USP50: variants seen among roughly 807,000 people sequenced by gnomAD.
The protein encoded by USP50 is ubiquitin specific peptidase 50, also known as ubiquitin carboxyl-terminal hydrolase 50.
Under a neutral mutation model 39.2 loss-of-function variants are expected in USP50, and 37 were observed. The observed-to-expected ratio is 0.94, with a 90% confidence interval of 0.73 to 1.24. The LOEUF is 1.24. USP50 is among the 50% of genes most tolerant of loss of function. USP50 has a pLI of 0.00. For synonymous variants in USP50, 139 were observed against 144.5 expected (o/e 0.96, Z 0.27); for missense variants, 374 against 398.2 (o/e 0.94, Z 0.52).
At chr15:50,494,994 G>C (rs2052319317) in intron 1 of USP50, among the ~76,000 whole-genome samples, 1 of 150,594 alleles carries the variant, frequency 6.6e-6, no homozygotes, top group South Asian at 2.1e-4. Flanking sequence ...ACTCCAGCCT[G>C]GGCGACAGAG....
intron 6 of USP50, among the ~76,000 whole-genome samples, chr15:50,525,622 GTATATGTA>G (rs1268128658): frequency 1.5e-5 from 2 of 130,478 alleles, no homozygotes; most frequent in African/African-American, 3.0e-5. Context: ...ATGTATATAT[GTATATGTA>G]TATATGTATA....
At chr15:50,533,470 T>TC (rs2052957403) in intron 5 of USP50, among the ~76,000 whole-genome samples, 1 of 147,884 alleles carries the variant, frequency 6.8e-6, no homozygotes, top group Admixed American at 6.7e-5. Context: ...GAAGCCAGAG[T>TC]GGGGGGGAAA....
chr15:50,534,815 A>G (rs572801599), intron 5 of USP50, among the ~76,000 whole-genome samples: 1 of 152,262 alleles, frequency 6.6e-6, no homozygotes, highest in South Asian at 2.1e-4. Flanking sequence ...TTATTAACAT[A>G]TATGCACCTA....
At chr15:50,529,710 G>C (rs1039970274) in intron 6 of USP50, 87 bp downstream of exon 6, 17 of 1,448,282 alleles carry the variant, frequency 1.2e-5, no homozygotes, top group Non-Finnish European at 1.6e-5. Context: ...ATAAGCCAGG[G>C]AGAGACAGGA....
At chr15:50,498,592 G>A, downstream of USP50, 1 of 1,604,790 alleles carries the variant, frequency 6.2e-7, no homozygotes. Flanking sequence ...GTTTTGTTCT[G>A]CAGTTTTTCC....
At chr15:50,511,265 G>A (rs558887285) in intron 6 of USP50, 15 of 152,256 alleles carry the variant, frequency 9.9e-5, no homozygotes, top group Non-Finnish European at 2.1e-4. Flanking sequence ...AAAAATGAGA[G>A]GCAGTAACAA....
At chr15:50,546,353 C>T (rs994194803) in intron 1 of USP50, 120 bp downstream of exon 1, 5 of 1,005,582 alleles carry the variant, frequency 5.0e-6, no homozygotes, top group Non-Finnish European at 7.7e-6. Flanking sequence ...TTTCCGGGGA[C>T]CTTCCATGGG....
chr15:50,542,006 T>C (rs1397037642), intron 3 of USP50, among the ~76,000 whole-genome samples: 1 of 150,298 alleles, frequency 6.7e-6, no homozygotes, highest in East Asian at 2.0e-4. Context: ...TGAGATCAGA[T>C]TGGGAAACAT....
At chr15:50,537,917 A>AGGGAAGGGAAGGGAAGGGAG (rs2052994176) in intron 5 of USP50, among the ~76,000 whole-genome samples, 1 of 39,542 alleles carries the variant, frequency 2.5e-5, no homozygotes, top group Non-Finnish European at 5.1e-5. Context: ...AGGGAAGGGA[A>AGGGAAGGGAAGGGAAGGGAG]GGGAAGGGAA....
chr15:50,546,476 A>G lies in USP50; in HGVS notation c.50T>C (p.Val17Ala). ...LPADDFDIYH[V>A]LAECTDYYDT... Reference sequence around the variant, plus strand: ...GCTGTAGTAGATCAAGGCTCACAGGACGTGGTAGATATCGAAGTCATCTGC... The same window carrying G: ...GCTGTAGTAGATCAAGGCTCACAGGGCGTGGTAGATATCGAAGTCATCTGC... Residue 17 changes from valine to alanine, a missense_variant, in exon 1 of 7, where the codon GTC becomes GCC. Val to Ala is a moderately conservative substitution (Grantham distance 64). Transcript: ENST00000532404. The G allele has an allele frequency of 1.2e-6, 2 of 1,613,618 alleles. No homozygotes were observed. Among genetic ancestry groups the G allele is most frequent in the African/African-American group, 1.3e-5 (1 of 75,042 alleles).
At chr15:50,538,397 G>C (rs2053000916) in intron 5 of USP50, among the ~76,000 whole-genome samples, 1 of 151,952 alleles carries the variant, frequency 6.6e-6, no homozygotes, top group Admixed American at 6.6e-5. Flanking sequence ...CCAGGGACTA[G>C]GGGGAGCAGG....
At chr15:50,495,493 G>C (rs886309828) in intron 1 of USP50, among the ~76,000 whole-genome samples, 2 of 130,950 alleles carry the variant, frequency 1.5e-5, no homozygotes, top group African/African-American at 3.2e-5. Flanking sequence ...TGGAGGGGGG[G>C]GTCTCACTAT....
At chr15:50,500,313 ATGAG>A (rs1213095676), downstream of USP50, 1 of 154,058 alleles carries the variant, frequency 6.5e-6, no homozygotes, top group Non-Finnish European at 1.4e-5. Flanking sequence ...GTTTAGCTTC[ATGAG>A]TATCTTTGGA....
intron 1 of USP50, among the ~76,000 whole-genome samples, chr15:50,495,490 G>GC (rs1201952840): frequency 6.7e-6 from 1 of 149,188 alleles, no homozygotes; most frequent in South Asian, 2.2e-4. Context: ...GATTGGAGGG[G>GC]GGGGTCTCAC....
rs571142338 is a variant in USP50 at position 50,534,495 on chromosome 15, T to C, written c.803+4214A>G. Among the ~76,000 whole-genome samples, 3 of 152,228 alleles carry C rather than the reference T, an allele frequency of 2.0e-5. No individual in the cohort carries two copies. The South Asian group carries it at 6.3e-4, about 32-fold the overall frequency. On this transcript the variant is annotated intron_variant, in intron 5 of 6. Transcript: ENST00000532404. ...AAATAGCAGTAACAAATACAACAGA[T>C]ATTTAACCCAACGGCATCAACAATC...
At chr15:50,537,490 T>A (rs1213280665) in intron 5 of USP50, among the ~76,000 whole-genome samples, 7 of 149,746 alleles carry the variant, frequency 4.7e-5, no homozygotes, top group Non-Finnish European at 7.4e-5. Flanking sequence ...CAAAACACTG[T>A]CAAGAGAATA....
chr15:50,498,743 G>C (rs1461216654), downstream of USP50: 4 of 1,583,864 alleles, frequency 2.5e-6, no homozygotes, highest in Admixed American at 1.8e-5. Context: ...GTATCTCTTT[G>C]AACTGAAGAC....
rs926151779 is a variant in USP50 at position 50,539,694 on chromosome 15, T to C, written c.661-843A>G. ...CTCCCAAAGTGCTGGGATTACAGCC[T>C]TGAGCCTCCATGCCCAGCTACTTTG... On this transcript the variant is annotated intron_variant, in intron 4 of 6. Coordinates refer to ENST00000532404, the MANE Select transcript of USP50 (RefSeq NM_203494.5). 6.5e-4 allele frequency among the ~76,000 whole-genome samples: 99 copies of C among 152,190 alleles called. 1 individual carries two copies. Among genetic ancestry groups the C allele is most frequent in the Non-Finnish European group, 2.2e-4 (15 of 68,020 alleles).
chr15:50,543,501 G>A (rs1271069633), intron 3 of USP50, 97 bp downstream of exon 3: 1 of 1,234,308 alleles, frequency 8.1e-7, no homozygotes, highest in Non-Finnish European at 1.1e-6. Flanking sequence ...TTGGCACAAA[G>A]TAGACAATAT....
Sources: gnomAD v4.1 joint callset for allele counts (sites outside exome capture counted in the v4.1 genomes callset) on GRCh38, gnomAD v4.1.1 for gene constraint, MANE v1.5 for transcripts, NCBI Gene and HGNC (gene_info 2026-07-23, HGNC 2026-07-21) for gene names.